NPTXR: variants seen among roughly 807,000 people sequenced by gnomAD.
NPTXR encodes neuronal pentraxin receptor.
In NPTXR, 12 loss-of-function variants were observed where a neutral mutation model predicts 32.2. The ratio of observed to expected loss-of-function variants is 0.37; its 90% CI spans 0.24 to 0.60. The LOEUF is 0.60. Among genes scored for constraint, NPTXR ranks in the 20% least tolerant of loss-of-function variants. NPTXR has a pLI of 0.66. For missense variants in NPTXR, 612 were observed against 682.9 expected (o/e 0.90, Z 1.16); for synonymous variants, 323 against 315.8 (o/e 1.02, Z -0.24).
At chr22:38,837,598 G>A (rs1326372042) in intron 1 of NPTXR, among the ~76,000 whole-genome samples, 3 of 152,256 alleles carry the variant, frequency 2.0e-5, no homozygotes, top group African/African-American at 7.2e-5. Context: ...GAAGGGGCTC[G>A]AGGGCGGTAC....
At position 38,826,446 on chromosome 22, in the gene NPTXR, G is replaced by A. The variant is rs1011522907; in HGVS notation, c.1098+54C>T. The A allele has an allele frequency of 7.1e-6, 11 of 1,557,126 alleles. No individual in the cohort carries two copies. In the African/African-American group the frequency reaches 1.4e-4, roughly 19 times the overall value. On this transcript the variant is annotated intron_variant, in intron 3 of 4. Transcript: ENST00000333039. ...TGAAAGAGCCCAGTGTGGAGTGGGT[G>A]CTTCTGGAAGGGTGGCCCTCCCCCA... is the stretch of plus-strand genomic sequence containing the variant.
intron 2 of NPTXR, 64 bp from the exon 3 acceptor site, chr22:38,826,811 G>C (rs1233923005): frequency 4.5e-6 from 7 of 1,558,488 alleles, no homozygotes; most frequent in Non-Finnish European, 6.1e-6. Context: ...GGGTGGACAG[G>C]GCACACTTCA....
Position 38,843,869 on chromosome 22 carries a change from G to A in NPTXR, c.-11C>T, listed in dbSNP as rs2093135868. ...GGCCAGGAACTTCAGCGTGAGGCGG[G>A]CGGCGGGGGCGCCCGAGGCCCCCGG... On this transcript the variant is annotated 5_prime_UTR_variant, in exon 1 of 5. Coordinates refer to ENST00000333039, the MANE Select transcript of NPTXR (RefSeq NM_014293.4). This position sits in a 1 kb window ranked among gnomAD's most constrained non-coding sequence, Gnocchi z 5.3. The A allele has an allele frequency of 1.0e-5, 10 of 991,680 alleles. No homozygotes were observed. Among genetic ancestry groups the A allele is most frequent in the Non-Finnish European group, 1.1e-5 (9 of 836,580 alleles). 61.4% of individuals were successfully genotyped at this position (991,680 alleles called of 1,614,324 possible). A position where few individuals can be genotyped will look rare whatever the true frequency, so the allele number is the denominator to read the frequency against.
Position 38,843,470 on chromosome 22 carries a change from G to A in NPTXR, c.389C>T (p.Ala130Val), listed in dbSNP as rs988955023. 25 of 1,336,456 alleles carry A rather than the reference G, an allele frequency of 1.9e-5. No individual in the cohort carries two copies. Among genetic ancestry groups the A allele is most frequent in the Non-Finnish European group, 2.3e-5 (24 of 1,048,124 alleles). The allele number at this position is 1,336,456 out of a possible 1,614,324, so 82.8% of individuals were successfully genotyped here. A position where few individuals can be genotyped will look rare whatever the true frequency, so the allele number is the denominator to read the frequency against. The stretch of plus-strand genomic sequence containing the variant: ...CAGCGCCGTCTGGCGCAGCTGCTCG[G>A]CCGTGCTCTGCAGCAGCAGCAGCTC... Residue 130 changes from alanine to valine, a missense_variant, in exon 1 of 5, where the codon GCC becomes GTC. By Grantham distance (64) the Ala-to-Val change is moderately conservative. Coordinates refer to ENST00000333039, the MANE Select transcript of NPTXR (RefSeq NM_014293.4). This position sits in a 1 kb window ranked among gnomAD's most constrained non-coding sequence, Gnocchi z 5.3.
chr22:38,843,329 T>C lies in NPTXR; in HGVS notation c.530A>G (p.Asp177Gly). Residue 177 changes from aspartate (D) to glycine (G), a missense_variant, in exon 1 of 5, where the codon GAC becomes GGC. Coordinates refer to ENST00000333039, the MANE Select transcript of NPTXR (RefSeq NM_014293.4). The surrounding 1 kb of genome is among the most constrained non-coding windows in gnomAD (Gnocchi z 5.3). Reference sequence around the variant, plus strand: ...GTCCCAGGGCCCGTCGGCCATGGTGTCGCGGCGGGGCCCGGCGCCCTGGAG... The same window carrying C: ...GTCCCAGGGCCCGTCGGCCATGGTGCCGCGGCGGGGCCCGGCGCCCTGGAG... 7.0e-7 allele frequency: 1 copy of C among 1,420,726 alleles called. No individual in the cohort carries two copies. The highest frequency in any genetic ancestry group is 1.4e-5 in the South Asian group (1 of 69,728). 88.0% of individuals were successfully genotyped at this position (1,420,726 alleles called of 1,614,324 possible). A position where few individuals can be genotyped will look rare whatever the true frequency, so the allele number is the denominator to read the frequency against.
intron 1 of NPTXR, among the ~76,000 whole-genome samples, chr22:38,837,786 G>T: frequency 6.6e-6 from 1 of 151,654 alleles, no homozygotes; most frequent in Non-Finnish European, 1.5e-5. Context: ...AAAGTCACAA[G>T]CAAGAACCCA....
At chr22:38,827,955 C>G (rs1485770351) in intron 2 of NPTXR, among the ~76,000 whole-genome samples, 1 of 152,134 alleles carries the variant, frequency 6.6e-6, no homozygotes, top group African/African-American at 2.4e-5. Context: ...GAGGTCCAGA[C>G]CCGCCACTTT....
chr22:38,826,089 C>T (rs774732875), intron 3 of NPTXR, among the ~76,000 whole-genome samples: 12 of 152,196 alleles, frequency 7.9e-5, no homozygotes, highest in Middle Eastern at 3.4e-3. Context: ...GTGATCCGCC[C>T]GCCTCGGCCT....
At chr22:38,839,273 CAG>C (rs1221334456) in intron 1 of NPTXR, among the ~76,000 whole-genome samples, 2 of 152,192 alleles carry the variant, frequency 1.3e-5, no homozygotes, top group Non-Finnish European at 2.9e-5. Flanking sequence ...AAAAATGGAA[CAG>C]GGGAACACAC....
In NPTXR at chr22:38,826,714, T is replaced by A; in HGVS notation, c.884A>T (p.Lys295Met). ...GTTGTTACGGATGGGGATGCTGATCTTGAAGGCATCTGGAGGACTGTAGGC... is the reference window on the plus strand; with the variant it reads ...GTTGTTACGGATGGGGATGCTGATCATGAAGGCATCTGGAGGACTGTAGGC... Residue 295 changes from lysine to methionine, a missense_variant, in exon 3 of 5, where the codon AAG becomes ATG. Coordinates refer to ENST00000333039, the MANE Select transcript of NPTXR (RefSeq NM_014293.4). 1 of 1,614,110 alleles carries A rather than the reference T, an allele frequency of 6.2e-7. No homozygotes were observed. The highest frequency in any genetic ancestry group is 1.1e-5 in the South Asian group (1 of 91,050).
chr22:38,828,479 C>T lies in NPTXR; in HGVS notation c.658G>A (p.Ala220Thr), dbSNP rs762265043. Residue 220 changes from alanine to threonine, a missense_variant, in exon 2 of 5, where the codon GCC becomes ACC. By Grantham distance (58) the Ala-to-Thr change is moderately conservative. Coordinates refer to ENST00000333039, the MANE Select transcript of NPTXR (RefSeq NM_014293.4). ...GGCACAGCAGAGACTGGGGCTGGGG[C>T]AGCTGAGAGGTTCACACGGGCTGGA... The T allele has an allele frequency of 6.2e-7, 1 of 1,608,640 alleles. No homozygotes were observed. Among genetic ancestry groups the T allele is most frequent in the Admixed American group, 1.7e-5 (1 of 59,386 alleles).
At position 38,828,408 on chromosome 22, in the gene NPTXR, C is replaced by T; in HGVS notation, c.729G>A (p.Leu243=). The T allele has an allele frequency of 6.2e-7, 1 of 1,612,786 alleles. No homozygotes were observed. The highest frequency in any genetic ancestry group is 8.5e-7 in the Non-Finnish European group (1 of 1,179,910). The change falls in exon 2 of 5, where the codon CTG becomes CTA. Residue 243 remains leucine (L), a synonymous_variant. Transcript: ENST00000333039. ...CCTTCTCCAGTGCCAGCACCTGGGC[C>T]AGCAGCTGCCCCTCCAGCTGGTCCA...
rs1332237352 is a variant in NPTXR, at chr22:38,834,596, TC to T, written c.625-6085del. 5.5e-5 allele frequency among the ~76,000 whole-genome samples: 7 copies of T among 128,190 alleles called. No individual in the cohort carries two copies. The highest frequency in any genetic ancestry group is 5.4e-4 in the South Asian group (2 of 3,682). 84.1% of individuals were successfully genotyped at this position (128,190 alleles called of 152,430 possible). On this transcript the variant is annotated intron_variant, in intron 1 of 4. Coordinates refer to ENST00000333039, the MANE Select transcript of NPTXR (RefSeq NM_014293.4). This position sits in a 1 kb window ranked among gnomAD's most constrained non-coding sequence, Gnocchi z 4.4. ...GAGCACTCATCCATCCATCCATCCA[TC>T]CATCATCCATCCATCCATCCATCCA...
At chr22:38,831,918 C>T (rs2093116821) in intron 1 of NPTXR, among the ~76,000 whole-genome samples, 1 of 152,114 alleles carries the variant, frequency 6.6e-6, no homozygotes, top group Admixed American at 6.5e-5. Flanking sequence ...AGGCAGGAGT[C>T]GTTTTGAATT....
At chr22:38,838,519 G>A (rs1294695712) in intron 1 of NPTXR, among the ~76,000 whole-genome samples, 2 of 151,004 alleles carry the variant, frequency 1.3e-5, no homozygotes, top group African/African-American at 4.9e-5. Flanking sequence ...TCTGGGCTCC[G>A]AGGCAGAAAT....
At chr22:38,842,673 G>C (rs987145539) in intron 1 of NPTXR, among the ~76,000 whole-genome samples, 3 of 152,166 alleles carry the variant, frequency 2.0e-5, no homozygotes, top group Admixed American at 6.5e-5. Context: ...TTGGGTCATA[G>C]TCTGAGCCAG....
At position 38,823,174 on chromosome 22, in the gene NPTXR, T is replaced by C; in HGVS notation, c.1187A>G (p.Tyr396Cys). The stretch of plus-strand genomic sequence containing the variant: ...GGAGCCCTGCAGCTCCCCGTCCTGG[T>C]AGGCAGACCATAGGCCATCCCTTGT... The change falls in exon 4 of 5, where the codon TAC becomes TGC. Residue 396 changes from tyrosine to cysteine, a missense_variant. Tyr to Cys is a radical substitution (Grantham distance 194). Transcript: ENST00000333039. 1 of 1,614,136 alleles carries C rather than the reference T, an allele frequency of 6.2e-7. No individual in the cohort carries two copies. Among genetic ancestry groups the C allele is most frequent in the South Asian group, 1.1e-5 (1 of 91,086 alleles).
chr22:38,838,857 AG>A (rs2093128249), intron 1 of NPTXR, among the ~76,000 whole-genome samples: 1 of 152,138 alleles, frequency 6.6e-6, no homozygotes, highest in Admixed American at 6.5e-5. Context: ...CTGGGATTAC[AG>A]GTGTGAGCCA....
chr22:38,828,707 G>A (rs1325254622), intron 1 of NPTXR, among the ~76,000 whole-genome samples, 195 bp from the exon 2 acceptor site: 1 of 152,246 alleles, frequency 6.6e-6, no homozygotes, highest in African/African-American at 2.4e-5. Flanking sequence ...TCCTGGTGCT[G>A]GCACATGACG....
Sources: allele counts gnomAD v4.1 joint callset (sites outside exome capture counted in the v4.1 genomes callset), GRCh38; gene constraint gnomAD v4.1.1; non-coding constraint Gnocchi (gnomAD v3.1); transcripts MANE v1.5; gene names NCBI Gene and HGNC (gene_info 2026-07-23, HGNC 2026-07-21).